The following IRAG2 variants were observed in gnomAD, a reference collection of about 807,000 sequenced individuals.
IRAG2 encodes inositol 1,4,5-triphosphate receptor associated 2.
Under a neutral mutation model 69.9 loss-of-function variants are expected in IRAG2, and 45 were observed. The ratio of observed to expected loss-of-function variants is 0.64; its 90% CI spans 0.51 to 0.83. The LOEUF (loss-of-function observed/expected upper bound fraction) is 0.83, where lower values mean the gene tolerates loss of function less well. Among genes scored for constraint, IRAG2 ranks in the 40% least tolerant of loss-of-function variants. The pLI is 0.00. For synonymous variants in IRAG2, 193 were observed against 202.4 expected (o/e 0.95, Z 0.40); for missense variants, 520 against 587.0 (o/e 0.89, Z 1.18).
intron 2 of IRAG2, among the ~76,000 whole-genome samples, chr12:25,009,971 A>G (rs999423829): frequency 1.2e-4 from 19 of 152,356 alleles, no homozygotes; most frequent in Non-Finnish European, 2.6e-4. Context: ...ATAGATTTAA[A>G]TGTTAATATC....
intron 6 of IRAG2, among the ~76,000 whole-genome samples, chr12:25,018,750 G>A (rs1275424820): frequency 6.6e-6 from 1 of 152,220 alleles, no homozygotes; most frequent in African/African-American, 2.4e-5. Flanking sequence ...AAGCAGTCAA[G>A]AAATATATCA....
rs1388151992 is a variant in IRAG2, at chr12:25,079,709, C to T, written c.190C>T (p.Leu64Phe). ...TTCTTGTGACCTTGACAGAAACTCGCTCTGTAAGAAAGAGGAGGATACAAG... is the reference window on the plus strand; with the variant it reads ...TTCTTGTGACCTTGACAGAAACTCGTTCTGTAAGAAAGAGGAGGATACAAG... ...MASCDLDRNS[L>F]CKKEEDTRSA... Residue 64 changes from leucine to phenylalanine, a missense_variant, in exon 9 of 22, where the codon CTC becomes TTC. Transcript: ENST00000556887. The T allele has an allele frequency of 6.2e-7, 1 of 1,613,994 alleles. No homozygotes were observed. The highest frequency in any genetic ancestry group is 8.5e-7 in the Non-Finnish European group (1 of 1,179,904).
chr12:25,090,000 T>C, intron 13 of IRAG2, 57 bp from the exon 14 acceptor site: 1 of 1,557,772 alleles, frequency 6.4e-7, no homozygotes, highest in East Asian at 2.2e-5. Context: ...AACTGAAACA[T>C]CTGACCACAT....
intron 6 of IRAG2, chr12:25,020,645 A>G (rs1944570843): frequency 2.5e-6 from 1 of 395,942 alleles, no homozygotes; most frequent in Non-Finnish European, 4.4e-6. Flanking sequence ...CTGAAAGATC[A>G]TGGGTATATT....
In IRAG2 at chr12:25,104,469, G is replaced by A; in HGVS notation, c.1148+7G>A. On this transcript the variant is annotated splice_region_variant and intron_variant, in intron 20 of 21. Transcript: ENST00000556887. ...AAGAAAAATGTGAACTAAAGTAGGT[G>A]AAGCTCAGTGTGTTTATTAACCTGA... The A allele has an allele frequency of 6.6e-7, 1 of 1,517,950 alleles. No individual in the cohort carries two copies. Among genetic ancestry groups the A allele is most frequent in the South Asian group, 1.1e-5 (1 of 89,134 alleles). 94.0% of individuals were successfully genotyped at this position (1,517,950 alleles called of 1,614,324 possible).
chr12:25,061,712 G>A (rs1497250), intron 2 of IRAG2, 59 bp downstream of exon 2: 29,369 of 398,166 alleles, frequency 0.074, 1,354 homozygotes, highest in Non-Finnish European at 0.094. Flanking sequence ...ATTCATGTAA[G>A]GTTTTGAAGC....
chr12:25,015,113 G>GGA, intron 3 of IRAG2: 1 of 78,644 alleles, frequency 1.3e-5, no homozygotes, highest in Non-Finnish European at 1.8e-5. Flanking sequence ...AAAAAAAAAA[G>GGA]ACAAAACTTG....
At chr12:25,077,525 T>C (rs1946914423) in intron 6 of IRAG2, among the ~76,000 whole-genome samples, 1 of 151,476 alleles carries the variant, frequency 6.6e-6, no homozygotes, top group African/African-American at 2.4e-5. Context: ...TAAAATTGAA[T>C]TCAGATATCC....
At chr12:25,085,669 G>C (rs917776349) in intron 10 of IRAG2, among the ~76,000 whole-genome samples, 1 of 142,788 alleles carries the variant, frequency 7.0e-6, no homozygotes, top group Non-Finnish European at 1.5e-5. Flanking sequence ...TAGGTCTGCA[G>C]GCACAGGCCT....
At chr12:25,040,280 A>G (rs1359920457) in intron 16 of IRAG2, among the ~76,000 whole-genome samples, 1 of 152,198 alleles carries the variant, frequency 6.6e-6, no homozygotes, top group East Asian at 1.9e-4. Context: ...AAGCCAAGAC[A>G]GGAGGATAGT....
At chr12:25,006,315 G>A (rs939851077) in intron 2 of IRAG2, 1 of 152,210 alleles carries the variant, frequency 6.6e-6, no homozygotes, top group African/African-American at 2.4e-5. Context: ...GGACAGCAGT[G>A]TGGAGATTCC....
chr12:25,003,468 C>G (rs1944407641), upstream of IRAG2, among the ~76,000 whole-genome samples: 1 of 151,984 alleles, frequency 6.6e-6, no homozygotes, highest in Admixed American at 6.6e-5. Flanking sequence ...ACCCCCACCT[C>G]CTGAGTAGCT....
intron 16 of IRAG2, among the ~76,000 whole-genome samples, chr12:25,041,762 C>T (rs1315717490): frequency 3.3e-5 from 5 of 150,708 alleles, no homozygotes; most frequent in Non-Finnish European, 7.4e-5. Context: ...CCACCTAGGC[C>T]TCCCAAAGTG....
chr12:25,023,932 A>G, intron 8 of IRAG2: 1 of 1,216,496 alleles, frequency 8.2e-7, no homozygotes, highest in Non-Finnish European at 1.0e-6. Context: ...GTATGTCAGA[A>G]TCGTTAAACA....
chr12:25,048,422 G>A (rs576745321), upstream of IRAG2, among the ~76,000 whole-genome samples: 5 of 151,690 alleles, frequency 3.3e-5, no homozygotes, highest in African/African-American at 7.3e-5. Context: ...TCAGCCTCCC[G>A]AGTAGCTGGG....
chr12:25,098,905 C>T (rs1051149768), intron 15 of IRAG2, among the ~76,000 whole-genome samples: 1 of 152,160 alleles, frequency 6.6e-6, no homozygotes, highest in Non-Finnish European at 1.5e-5. Context: ...TCTCAGTCCT[C>T]ATCTGGCATG....
At chr12:25,096,833 T>C in intron 14 of IRAG2, 77 bp from the exon 15 acceptor site, 1 of 1,150,474 alleles carries the variant, frequency 8.7e-7, no homozygotes, top group East Asian at 2.5e-5. Context: ...TCATCCACAT[T>C]TGCAACTTAG....
At chr12:25,055,671 G>T (rs1486681366) in intron 1 of IRAG2, among the ~76,000 whole-genome samples, 1 of 152,102 alleles carries the variant, frequency 6.6e-6, no homozygotes, top group Non-Finnish European at 1.5e-5. Flanking sequence ...TGTTCTCATT[G>T]TTCAATTCCC....
chr12:25,066,468 T>C lies in IRAG2; in HGVS notation c.-103T>C, dbSNP rs1945987716. On this transcript the variant is annotated 5_prime_UTR_variant, in exon 5 of 22. The change abolishes an upstream ATG in the 5' untranslated region. Coordinates refer to ENST00000556887, the MANE Select transcript of IRAG2 (RefSeq NM_001366544.2). ...ACACTCTGTGTGAAAGGCCCACATA[T>C]GGAGAAGTAAAGGATGGTGCTTTGG... 2 of 401,134 alleles carry C rather than the reference T, an allele frequency of 5.0e-6. No homozygotes were observed. Among genetic ancestry groups the C allele is most frequent in the Non-Finnish European group, 8.8e-6 (2 of 226,226 alleles). 24.8% of individuals were successfully genotyped at this position (401,134 alleles called of 1,614,324 possible). A position where few individuals can be genotyped will look rare whatever the true frequency, so the allele number is the denominator to read the frequency against.
Sources: gnomAD v4.1 joint callset for allele counts (sites outside exome capture counted in the v4.1 genomes callset) on GRCh38, gnomAD v4.1.1 for gene constraint, MANE v1.5 for transcripts, NCBI Gene and HGNC (gene_info 2026-07-23, HGNC 2026-07-21) for gene names.